MCAM: variants seen among roughly 807,000 people sequenced by gnomAD.
MCAM encodes the protein melanoma cell adhesion molecule.
In MCAM, 55 loss-of-function variants were observed where a neutral mutation model predicts 79.1. The observed-to-expected ratio is 0.70, with a 90% confidence interval of 0.56 to 0.87. The LOEUF (loss-of-function observed/expected upper bound fraction) is 0.87, where lower values mean the gene tolerates loss of function less well. MCAM is among the 40% of genes least tolerant of loss of function. The pLI is 0.00. For missense variants in MCAM, 745 were observed against 839.8 expected, an observed-to-expected ratio of 0.89 and a Z score of 1.40; for synonymous variants, 330 against 339.8, an observed-to-expected ratio of 0.97 and a Z score of 0.32.
rs1346849048 is a variant in MCAM, at chr11:119,315,403, C to G, written c.68-140G>C. The G allele has an allele frequency of 4.5e-6, 5 of 1,121,944 alleles. No homozygotes were observed. In the South Asian group the frequency reaches 6.2e-5, roughly 14 times the overall value. The allele number at this position is 1,121,944 out of a possible 1,614,324, so 69.5% of individuals were successfully genotyped here. On this transcript the variant is annotated intron_variant, in intron 1 of 15. Transcript: ENST00000264036. This position sits in a 1 kb window ranked among gnomAD's most constrained non-coding sequence, Gnocchi z 4.4. ...CCCTGTCCTCTGAACGCTCTACCCC[C>G]ACCCCGACCCGCGCCCCACCTGGGC...
chr11:119,309,804 C>A lies in MCAM; in HGVS notation c.*82G>T. 7.1e-7 allele frequency: 1 copy of A among 1,404,394 alleles called. No individual in the cohort carries two copies. The highest frequency in any genetic ancestry group is 9.9e-7 in the Non-Finnish European group (1 of 1,010,216). The allele number at this position is 1,404,394 out of a possible 1,614,324, so 87.0% of individuals were successfully genotyped here. On this transcript the variant is annotated 3_prime_UTR_variant, in exon 16 of 16. Transcript: ENST00000264036. ...GGAGCAGGAGGCTTCTCTCTAGTCC[C>A]TTTGGAGGCTTTGGCTGAGAGAAGA...
In MCAM at chr11:119,314,557, C is replaced by T. The variant is rs1257078640; in HGVS notation, c.491G>A (p.Arg164Lys). The change falls in exon 5 of 16, where the codon AGG becomes AAG. Residue 164 changes from arginine to lysine, a missense_variant. Coordinates refer to ENST00000264036, the MANE Select transcript of MCAM (RefSeq NM_006500.3). ...GACTTGAGGAATGGGGTACCCGTTC[C>T]TCCCTACACAGGTAGCGACCTAAAG... ...EPEEVATCVGRNGYPIPQVIW... is the reference protein window; with the variant it reads ...EPEEVATCVGKNGYPIPQVIW... The T allele has an allele frequency of 1.2e-6, 2 of 1,613,932 alleles. No individual in the cohort carries two copies. The highest frequency in any genetic ancestry group is 1.7e-6 in the Non-Finnish European group (2 of 1,179,986).
In MCAM at chr11:119,311,897, C is replaced by G. The variant is rs201956849; in HGVS notation, c.1196G>C (p.Arg399Pro). The change falls in exon 10 of 16, where the codon CGG (arginine) becomes CCG (proline). Residue 399 changes from arginine (R) to proline (P), a missense_variant. Coordinates refer to ENST00000264036, the MANE Select transcript of MCAM (RefSeq NM_006500.3). The surrounding 1 kb of genome is among the most constrained non-coding windows in gnomAD (Gnocchi z 4.4). ...GPVLQLHDLK[R>P]EAGGGYRCVA... ...GCAGCGATAGCCGCCTCCTGCCTCCCGTTTCAGGTCATGCAACTGAAGCAC... is the reference window on the plus strand; with the variant it reads ...GCAGCGATAGCCGCCTCCTGCCTCCGGTTTCAGGTCATGCAACTGAAGCAC... 3.7e-6 allele frequency: 6 copies of G among 1,614,116 alleles called. No individual in the cohort carries two copies. In the South Asian group the frequency reaches 4.4e-5, roughly 12 times the overall value.
In MCAM at chr11:119,310,755, C is replaced by G. The variant is rs113346652; in HGVS notation, c.1793+1G>C. ...GGCGGAGGGGCCGGTGTTGGGCTTA[C>G]ATCTCCTGCTTCCCTGAGCGCCTGC... On this transcript the variant is annotated splice_donor_variant, in intron 14 of 15. Coordinates refer to ENST00000264036, the MANE Select transcript of MCAM (RefSeq NM_006500.3). LOFTEE classifies it high-confidence loss of function. 1 of 1,613,770 alleles carries G rather than the reference C, an allele frequency of 6.2e-7. No individual in the cohort carries two copies. The highest frequency in any genetic ancestry group is 8.5e-7 in the Non-Finnish European group (1 of 1,179,912).
Position 119,311,247 on chromosome 11 carries a change from C to T in MCAM, c.1549+33G>A. ...AGTTACTGCCCGTGCCTGGGCCTGC[C>T]CCTGCCATCCCCTGCAGGGATGCAG... is the stretch of plus-strand genomic sequence containing the variant. On this transcript the variant is annotated intron_variant, in intron 12 of 15. Coordinates refer to ENST00000264036, the MANE Select transcript of MCAM (RefSeq NM_006500.3). This position sits in a 1 kb window ranked among gnomAD's most constrained non-coding sequence, Gnocchi z 4.4. The T allele has an allele frequency of 6.2e-7, 1 of 1,613,376 alleles. No individual in the cohort carries two copies. The highest frequency in any genetic ancestry group is 2.2e-5 in the East Asian group (1 of 44,828).
rs937559548 is a variant in MCAM, at chr11:119,316,296, G to C, written c.67+739C>G. 2 of 152,266 alleles carry C rather than the reference G, an allele frequency of 1.3e-5. No homozygotes were observed. Among genetic ancestry groups the C allele is most frequent in the African/African-American group, 4.8e-5 (2 of 41,462 alleles). 9.4% of individuals were successfully genotyped at this position (152,266 alleles called of 1,614,324 possible). ...AGAGAAACACGCGACACCGCTGCGG[G>C]CCATACAAGGGCAGCGTGGACCCGA... On this transcript the variant is annotated intron_variant, in intron 1 of 15. Coordinates refer to ENST00000264036, the MANE Select transcript of MCAM (RefSeq NM_006500.3). This position sits in a 1 kb window ranked among gnomAD's most constrained non-coding sequence, Gnocchi z 4.8.
rs2135348432 is a variant in MCAM at position 119,316,588 on chromosome 11, G to A, written c.67+447C>T. On this transcript the variant is annotated intron_variant, in intron 1 of 15. Coordinates refer to ENST00000264036, the MANE Select transcript of MCAM (RefSeq NM_006500.3). The surrounding 1 kb of genome is among the most constrained non-coding windows in gnomAD (Gnocchi z 4.8). ...TCCAGCCTGGCGTGATGCCCAGGCA[G>A]AAGGGGGAAGGGGTGGGTCGGCGCA... The A allele has an allele frequency of 6.3e-6, 1 of 158,776 alleles. No homozygotes were observed. Among genetic ancestry groups the A allele is most frequent in the African/African-American group, 2.4e-5 (1 of 41,690 alleles). 9.8% of individuals were successfully genotyped at this position (158,776 alleles called of 1,614,324 possible).
rs781074694 is a variant in MCAM, at chr11:119,314,581, A to T, written c.472-5T>A. On this transcript the variant is annotated splice_polypyrimidine_tract_variant and splice_region_variant and intron_variant, in intron 4 of 15. Coordinates refer to ENST00000264036, the MANE Select transcript of MCAM (RefSeq NM_006500.3). ...CCTCCCTACACAGGTAGCGACCTAA[A>T]GAGCACAGGGTGTGAGTCTCCCTGC... 1 of 1,613,736 alleles carries T rather than the reference A, an allele frequency of 6.2e-7. No homozygotes were observed. The highest frequency in any genetic ancestry group is 1.1e-5 in the South Asian group (1 of 91,072).
rs761225393 is a variant in MCAM, at chr11:119,312,692, T to C, written c.740-44A>G. 2.5e-6 allele frequency: 4 copies of C among 1,614,022 alleles called. No homozygotes were observed. The South Asian group carries it at 4.4e-5, about 18-fold the overall frequency. On this transcript the variant is annotated intron_variant, in intron 6 of 15. Transcript: ENST00000264036. This position sits in a 1 kb window ranked among gnomAD's most constrained non-coding sequence, Gnocchi z 4.9. ...TAGCTCTTGGCCCATGAGTCAACCC[T>C]GGGCTGGATAAGGGGGAGCCAGCAG...
rs780358157 is a variant in MCAM at position 119,312,266 on chromosome 11, A to T, written c.1024T>A (p.Tyr342Asn). 6.2e-7 allele frequency: 1 copy of T among 1,613,858 alleles called. No individual in the cohort carries two copies. Among genetic ancestry groups the T allele is most frequent in the Non-Finnish European group, 8.5e-7 (1 of 1,179,902 alleles). Residue 342 changes from tyrosine (Y) to asparagine (N), a missense_variant and splice_region_variant, in exon 8 of 16, where the codon TAT (tyrosine) becomes AAT (asparagine). Transcript: ENST00000264036. The surrounding 1 kb of genome is among the most constrained non-coding windows in gnomAD (Gnocchi z 4.9). ...CTGTCCTGGGTCCCCAGCCCCTCAC[A>T]GTTCACCAGTAGTTCCTGTGGTTCA... ...LSEPQELLVN[Y>N]VSDVRVSPAA...
chr11:119,309,461 G>A lies in MCAM; in HGVS notation c.*425C>T, dbSNP rs547484974. 4.0e-4 allele frequency: 84 copies of A among 210,112 alleles called. No homozygotes were observed. Among genetic ancestry groups the A allele is most frequent in the South Asian group, 3.1e-3 (35 of 11,202 alleles). The allele number at this position is 210,112 out of a possible 1,614,324, so 13.0% of individuals were successfully genotyped here. On this transcript the variant is annotated 3_prime_UTR_variant, in exon 16 of 16. Transcript: ENST00000264036. ...TCAACATGAGCAGGCGCCTGGCTCCGGTGTGTCCTCACTTCAGTGGTGCAC... is the reference window on the plus strand; with the variant it reads ...TCAACATGAGCAGGCGCCTGGCTCCAGTGTGTCCTCACTTCAGTGGTGCAC...
Position 119,314,478 on chromosome 11 carries a change from G to A in MCAM, c.559+11C>T, listed in dbSNP as rs370442386. 50 of 1,612,722 alleles carry A rather than the reference G, an allele frequency of 3.1e-5. No homozygotes were observed. The African/African-American group carries it at 5.7e-4, about 19-fold the overall frequency. On this transcript the variant is annotated intron_variant, in intron 5 of 15. Transcript: ENST00000264036. ...GCCCAAGGGTGGCTTTTGGGAGAAA[G>A]GGCTACTCACGGTTCTTCTCCTCCT... is the stretch of plus-strand genomic sequence containing the variant.
Position 119,315,079 on chromosome 11 carries a change from G to A in MCAM, c.193-39C>T. The A allele has an allele frequency of 6.2e-7, 1 of 1,610,786 alleles. No individual in the cohort carries two copies. The highest frequency in any genetic ancestry group is 8.5e-7 in the Non-Finnish European group (1 of 1,179,740). ...ACACAGAGGAGGAGAAGGGTCCTGG[G>A]CTACAAGAGGGGCAGAGTCTCCCTC... On this transcript the variant is annotated intron_variant, in intron 2 of 15. Coordinates refer to ENST00000264036, the MANE Select transcript of MCAM (RefSeq NM_006500.3). This position sits in a 1 kb window ranked among gnomAD's most constrained non-coding sequence, Gnocchi z 4.4.
chr11:119,313,897 C>T (rs890425881), intron 5 of MCAM: 5 of 902,398 alleles, frequency 5.5e-6, no homozygotes, highest in Non-Finnish European at 6.6e-6. Flanking sequence ...TTAAGAATGA[C>T]TGATTTAGAT....
rs1405628900 is a variant in MCAM at position 119,311,039 on chromosome 11, G to A, written c.1645+51C>T. The A allele has an allele frequency of 1.9e-6, 3 of 1,614,184 alleles. No homozygotes were observed. The highest frequency in any genetic ancestry group is 2.5e-6 in the Non-Finnish European group (3 of 1,180,032). ...ACAGGGCTCTCTGGGGAGGGACAGG[G>A]CAGAAAGGATGCCCTGGCACAGCCC... On this transcript the variant is annotated intron_variant, in intron 13 of 15. Coordinates refer to ENST00000264036, the MANE Select transcript of MCAM (RefSeq NM_006500.3). This position sits in a 1 kb window ranked among gnomAD's most constrained non-coding sequence, Gnocchi z 4.4.
chr11:119,313,069 C>T (rs1459255195), intron 5 of MCAM, 120 bp from the exon 6 acceptor site: 3 of 1,557,626 alleles, frequency 1.9e-6, no homozygotes, highest in South Asian at 1.2e-5. Context: ...CTGTAGAAGG[C>T]CAGGTACAAA....
In MCAM at chr11:119,311,752, C is replaced by A; in HGVS notation, c.1285+56G>T. 6.2e-7 allele frequency: 1 copy of A among 1,608,598 alleles called. No homozygotes were observed. Among genetic ancestry groups the A allele is most frequent in the Non-Finnish European group, 8.5e-7 (1 of 1,176,604 alleles). On this transcript the variant is annotated intron_variant, in intron 10 of 15. Transcript: ENST00000264036. The surrounding 1 kb of genome is among the most constrained non-coding windows in gnomAD (Gnocchi z 4.4). ...CAGCAGGTGGCTTTTTGTCAAAGAGCTTAAAAACCACCCCACTTGGGGTGA... is the reference window on the plus strand; with the variant it reads ...CAGCAGGTGGCTTTTTGTCAAAGAGATTAAAAACCACCCCACTTGGGGTGA...
rs1029073662 is a variant in MCAM, at chr11:119,309,536, T to C, written c.*350A>G. On this transcript the variant is annotated 3_prime_UTR_variant, in exon 16 of 16. Transcript: ENST00000264036. ...GGGCAGGAAACCAGCTCAGAGAGGC[T>C]ACCCAGCTCAGCTGCTGGCAGGAGC... The C allele has an allele frequency of 1.5e-5, 5 of 324,526 alleles. No individual in the cohort carries two copies. Among genetic ancestry groups the C allele is most frequent in the Non-Finnish European group, 2.9e-5 (5 of 173,256 alleles). 20.1% of individuals were successfully genotyped at this position (324,526 alleles called of 1,614,324 possible).
chr11:119,311,444 G>C lies in MCAM; in HGVS notation c.1408-23C>G. On this transcript the variant is annotated intron_variant, in intron 11 of 15. Transcript: ENST00000264036. This position sits in a 1 kb window ranked among gnomAD's most constrained non-coding sequence, Gnocchi z 4.4. ...TGCCTGCGAGGAAAGGAAGGAGGCA[G>C]CTCAGGGGATGGGGAGGATCTCTGG... is the stretch of plus-strand genomic sequence containing the variant. 5 of 1,613,906 alleles carry C rather than the reference G, an allele frequency of 3.1e-6. No homozygotes were observed. The highest frequency in any genetic ancestry group is 4.2e-6 in the Non-Finnish European group (5 of 1,179,800).
Sources: allele counts gnomAD v4.1 joint callset, GRCh38; gene constraint gnomAD v4.1.1; non-coding constraint Gnocchi (gnomAD v3.1); transcripts MANE v1.5; gene names NCBI Gene and HGNC (gene_info 2026-07-23, HGNC 2026-07-21).